Variants in CCNC observed in about 807,000 individuals in gnomAD.
CCNC encodes cyclin C, also known as cyclin-C.
CCNC carries 19 observed loss-of-function variants against 50.0 expected under a neutral mutation model. That is an observed-to-expected ratio of 0.38 (90% CI 0.27 to 0.56). CCNC has a LOEUF of 0.56. Ranked by LOEUF, CCNC falls within the 20% of genes least tolerant of loss-of-function variation. The pLI is 0.72. For synonymous variants in CCNC, 93 were observed against 103.7 expected, an observed-to-expected ratio of 0.90 and a Z score of 0.63; for missense variants, 200 against 327.1, an observed-to-expected ratio of 0.61 and a Z score of 3.00.
Position 99,551,029 on chromosome 6 carries a change from C to A in CCNC, c.403-1G>T. ...ACAGATAGAATTCACATTCTAATATCTGTTTAAAACAAAGATTATCAATGA... is the reference window on the plus strand; with the variant it reads ...ACAGATAGAATTCACATTCTAATATATGTTTAAAACAAAGATTATCAATGA... On this transcript the variant is annotated splice_acceptor_variant, in intron 6 of 11. Coordinates refer to ENST00000520429, the MANE Select transcript of CCNC (RefSeq NM_005190.4). LOFTEE classifies it high-confidence loss of function. The A allele has an allele frequency of 1.8e-6, 2 of 1,100,218 alleles. No individual in the cohort carries two copies. The highest frequency in any genetic ancestry group is 1.3e-6 in the Non-Finnish European group (1 of 798,214). The allele number at this position is 1,100,218 out of a possible 1,614,324, so 68.2% of individuals were successfully genotyped here.
intron 9 of CCNC, among the ~76,000 whole-genome samples, 182 bp from the exon 10 acceptor site, chr6:99,546,656 T>C (rs973912020): frequency 1.3e-5 from 2 of 152,230 alleles, no homozygotes; most frequent in African/African-American, 4.8e-5. Flanking sequence ...AAAAAATTAC[T>C]AGATTACATC....
intron 11 of CCNC, chr6:99,543,815 C>T: frequency 7.2e-7 from 1 of 1,381,690 alleles, no homozygotes; most frequent in Non-Finnish European, 9.3e-7. Context: ...TAACTTTGTG[C>T]CCTCACATAT....
intron 9 of CCNC, among the ~76,000 whole-genome samples, chr6:99,547,889 C>G (rs1008127724): frequency 6.6e-6 from 1 of 152,066 alleles, no homozygotes; most frequent in East Asian, 1.9e-4. Context: ...ACAGAAGGAA[C>G]AATCGAGAGG....
intron 8 of CCNC, 95 bp downstream of exon 8, chr6:99,550,123 G>T: frequency 1.2e-6 from 1 of 853,334 alleles, no homozygotes. Flanking sequence ...TGGGGCAATA[G>T]TTTAATGACT....
intron 1 of CCNC, among the ~76,000 whole-genome samples, chr6:99,564,422 C>CAAA (rs11345511): frequency 2.1e-5 from 2 of 97,172 alleles, no homozygotes; most frequent in African/African-American, 4.0e-5. Flanking sequence ...GAGACTCTGT[C>CAAA]AAAAAAAAAA....
chr6:99,546,013 G>A (rs1215753415), intron 10 of CCNC, among the ~76,000 whole-genome samples: 1 of 151,898 alleles, frequency 6.6e-6, no homozygotes, highest in Non-Finnish European at 1.5e-5. Flanking sequence ...CTGTTGCCCA[G>A]GCTCGCGTGC....
chr6:99,560,193 T>C (rs1046728811), intron 4 of CCNC, among the ~76,000 whole-genome samples: 2 of 152,228 alleles, frequency 1.3e-5, no homozygotes, highest in African/African-American at 4.8e-5. Context: ...TGGTCCTCCA[T>C]ACTGCCTGTG....
chr6:99,550,975 C>A lies in CCNC; in HGVS notation c.438+18G>T, dbSNP rs1307703257. 2.0e-6 allele frequency: 2 copies of A among 1,007,126 alleles called. No individual in the cohort carries two copies. Among genetic ancestry groups the A allele is most frequent in the Admixed American group, 2.7e-5 (1 of 36,488 alleles). The allele number at this position is 1,007,126 out of a possible 1,614,324, so 62.4% of individuals were successfully genotyped here. ...TTTAAAAATGTTTTAATCTATTAAT[C>A]ACAGAAGATTTACTTACCATTAGTT... On this transcript the variant is annotated intron_variant, in intron 7 of 11. Coordinates refer to ENST00000520429, the MANE Select transcript of CCNC (RefSeq NM_005190.4).
chr6:99,563,517 T>C (rs980406117), intron 1 of CCNC, among the ~76,000 whole-genome samples: 1 of 152,214 alleles, frequency 6.6e-6, no homozygotes, highest in Non-Finnish European at 1.5e-5. Context: ...GAAAAAACTA[T>C]CTTGAACCTG....
At chr6:99,554,287 C>T (rs1802427022) in intron 5 of CCNC, among the ~76,000 whole-genome samples, 1 of 151,878 alleles carries the variant, frequency 6.6e-6, no homozygotes, top group African/African-American at 2.4e-5. Context: ...TGCTACTGAC[C>T]TTGATCGCCT....
chr6:99,544,598 C>T (rs1364070179), intron 11 of CCNC, among the ~76,000 whole-genome samples: 1 of 152,078 alleles, frequency 6.6e-6, no homozygotes, highest in Non-Finnish European at 1.5e-5. Flanking sequence ...ACAGGTGATT[C>T]ATTTTTAGCA....
At chr6:99,565,701 G>A (rs1006112853) in intron 1 of CCNC, among the ~76,000 whole-genome samples, 1 of 151,886 alleles carries the variant, frequency 6.6e-6, no homozygotes, top group Non-Finnish European at 1.5e-5. Context: ...TTTAGTAAGA[G>A]CTTTAGTCAA....
At chr6:99,565,142 T>C (rs1769064135) in intron 1 of CCNC, among the ~76,000 whole-genome samples, 2 of 152,146 alleles carry the variant, frequency 1.3e-5, no homozygotes. Flanking sequence ...TGAAAATTTC[T>C]GACTATTCTA....
At chr6:99,550,957 A>C (rs767446951) in intron 7 of CCNC, 36 bp downstream of exon 7, 1 of 960,434 alleles carries the variant, frequency 1.0e-6, no homozygotes, top group East Asian at 3.0e-5. Context: ...TAATTTAAAA[A>C]TGTTTTAATC....
intron 5 of CCNC, among the ~76,000 whole-genome samples, chr6:99,556,210 C>T (rs517333): frequency 0.85 from 129,885 of 152,218 alleles, 56,080 homozygotes; most frequent in East Asian, 0.98. Context: ...TTAAGATATA[C>T]AAAATTTTTG....
intron 6 of CCNC, 105 bp from the exon 7 acceptor site, chr6:99,551,133 T>G (rs578093763): frequency 1.8e-6 from 1 of 556,990 alleles, no homozygotes; most frequent in Non-Finnish European, 2.6e-6. Flanking sequence ...TTATCAAAAA[T>G]TTTTACTAAA....
chr6:99,568,050 C>T (rs1262056013), intron 1 of CCNC: 2 of 168,380 alleles, frequency 1.2e-5, no homozygotes, highest in Admixed American at 6.0e-5. Context: ...ATTAAATCCA[C>T]TCAAGATATA....
chr6:99,565,817 A>G (rs997124), intron 1 of CCNC, among the ~76,000 whole-genome samples: 38,491 of 151,836 alleles, frequency 0.25, 5,035 homozygotes, highest in East Asian at 0.37. Flanking sequence ...TATACTTTCA[A>G]TGTAATGTTA....
intron 11 of CCNC, chr6:99,543,926 C>CA (rs1801969354): frequency 7.9e-7 from 1 of 1,258,086 alleles, no homozygotes; most frequent in Admixed American, 3.9e-5. Flanking sequence ...ATAGAGATTA[C>CA]AGCTTCTTCT....
Sources: allele counts gnomAD v4.1 joint callset (sites outside exome capture counted in the v4.1 genomes callset), GRCh38; gene constraint gnomAD v4.1.1; transcripts MANE v1.5; gene names NCBI Gene and HGNC (gene_info 2026-07-23, HGNC 2026-07-21).